HIF3A: variants seen among roughly 807,000 people sequenced by gnomAD.
HIF3A encodes hypoxia-inducible factor 3-alpha.
A neutral mutation model predicts 67.2 loss-of-function variants in HIF3A; 41 were observed. The ratio of observed to expected loss-of-function variants is 0.61; its 90% CI spans 0.48 to 0.79. HIF3A has a LOEUF of 0.79. HIF3A is among the 30% of genes least tolerant of loss of function. The pLI, the probability that HIF3A is intolerant of heterozygous loss-of-function variation, is 0.00. For missense variants in HIF3A, 855 were observed against 898.0 expected (o/e 0.95, Z 0.61); for synonymous variants, 356 against 374.8 (o/e 0.95, Z 0.58).
chr19:46,309,570 G>C (rs1969247592), intron 6 of HIF3A, among the ~76,000 whole-genome samples: 1 of 151,760 alleles, frequency 6.6e-6, no homozygotes, highest in Admixed American at 6.6e-5. Context: ...CATTTGCCCA[G>C]ACTGCTCTCA....
intron 1 of HIF3A, among the ~76,000 whole-genome samples, chr19:46,299,092 CAG>C (rs1292479274): frequency 6.6e-6 from 1 of 152,260 alleles, no homozygotes; most frequent in Non-Finnish European, 1.5e-5. Context: ...CTGAGCCCGC[CAG>C]GCCCTGGCCC....
At chr19:46,313,159 G>A (rs778591851) in intron 8 of HIF3A, 7 of 554,034 alleles carry the variant, frequency 1.3e-5, no homozygotes, top group Non-Finnish European at 1.4e-5. Flanking sequence ...GCTGAGGCAC[G>A]AGAATCATTA....
chr19:46,312,380 C>T (rs1206173087), intron 7 of HIF3A, 113 bp downstream of exon 7: 1 of 1,609,156 alleles, frequency 6.2e-7, no homozygotes, highest in South Asian at 1.1e-5. Context: ...ACCTCAACAC[C>T]AGCTCCCTGC....
At chr19:46,311,848 G>A (rs1255789839) in intron 6 of HIF3A, among the ~76,000 whole-genome samples, 4 of 152,106 alleles carry the variant, frequency 2.6e-5, no homozygotes, top group South Asian at 2.1e-4. Context: ...GTGACAGAGC[G>A]AGAGCCTGCC....
chr19:46,325,765 C>T, intron 11 of HIF3A, 126 bp downstream of exon 11: 1 of 645,844 alleles, frequency 1.5e-6, no homozygotes, highest in Admixed American at 2.4e-5. Flanking sequence ...CCATTGTATT[C>T]ATTAGGTGGA....
chr19:46,304,644 A>T (rs763035358), intron 2 of HIF3A, among the ~76,000 whole-genome samples: 2 of 151,916 alleles, frequency 1.3e-5, no homozygotes, highest in Non-Finnish European at 2.9e-5. Flanking sequence ...GTGCACACAC[A>T]CACATACACT....
intron 13 of HIF3A, among the ~76,000 whole-genome samples, chr19:46,334,298 G>A (rs188967556): frequency 1.3e-5 from 2 of 149,476 alleles, no homozygotes; most frequent in Non-Finnish European, 3.0e-5. Context: ...CACCATGTTG[G>A]CCAGGCTGGT....
chr19:46,312,031 T>C, intron 6 of HIF3A, 130 bp from the exon 7 acceptor site: 1 of 795,192 alleles, frequency 1.3e-6, no homozygotes, highest in Non-Finnish European at 2.3e-6. Flanking sequence ...TTACTCCTTT[T>C]CTCTCGGTTA....
Position 46,309,361 on chromosome 19 carries a change from T to C in HIF3A, c.770+2T>C. 6.3e-7 allele frequency: 1 copy of C among 1,596,870 alleles called. No individual in the cohort carries two copies. Among genetic ancestry groups the C allele is most frequent in the Non-Finnish European group, 8.5e-7 (1 of 1,171,426 alleles). On this transcript the variant is annotated splice_donor_variant, in intron 6 of 14. Coordinates refer to ENST00000377670, the MANE Select transcript of HIF3A (RefSeq NM_152795.4). LOFTEE classifies it high-confidence loss of function. ...GAAGTTCACCTACTGTGACGACAGG[T>C]GGGCAGGGGCCCCCTCTTCCGTCTG...
rs768103090 is a variant in HIF3A, at chr19:46,308,304, G to A, written c.447G>A (p.Gln149=). 13 of 1,604,826 alleles carry A rather than the reference G, an allele frequency of 8.1e-6. No homozygotes were observed. Among genetic ancestry groups the A allele is most frequent in the Non-Finnish European group, 1.1e-5 (13 of 1,173,594 alleles). ...TTCAGGACGCCCTGACCCCCCAGCA[G>A]AGTGAGTTCCCTGGAGGCCTCTGTC... ...EELQDALTPQ[Q]TLSRRKVEAP... Residue 149 remains glutamine, a splice_region_variant and synonymous_variant, in exon 4 of 15, where the codon CAG becomes CAA. Transcript: ENST00000377670.
At chr19:46,313,399 G>C (rs2147183541) in intron 8 of HIF3A, 1 of 741,218 alleles carries the variant, frequency 1.3e-6, no homozygotes, top group Non-Finnish European at 1.6e-6. Flanking sequence ...AGGGGAGGAG[G>C]ATTGCTAGAG....
rs751859823 is a variant in HIF3A at position 46,304,062 on chromosome 19, T to C, written c.191T>C (p.Leu64Pro). The stretch of plus-strand genomic sequence containing the variant: ...ATCATGCGCCTCACCATCAGCTACC[T>C]GCGCATGCACCGCCTCTGCGCCGCA... ...ASIMRLTISY[L>P]RMHRLCAAGE... The change falls in exon 2 of 15, where the codon CTG becomes CCG. Residue 64 changes from leucine (L) to proline (P), a missense_variant. Leu to Pro is a moderately conservative substitution (Grantham distance 98). Transcript: ENST00000377670. 5.1e-6 allele frequency: 8 copies of C among 1,578,568 alleles called. No individual in the cohort carries two copies. Among genetic ancestry groups the C allele is most frequent in the African/African-American group, 4.0e-5 (3 of 74,192 alleles).
chr19:46,323,100 G>A (rs1027331134), intron 10 of HIF3A, among the ~76,000 whole-genome samples: 5 of 151,052 alleles, frequency 3.3e-5, no homozygotes. Flanking sequence ...GCCCAGGCTG[G>A]AGTGCAATGG....
intron 8 of HIF3A, chr19:46,313,286 A>G: frequency 2.0e-6 from 2 of 978,230 alleles, no homozygotes; most frequent in Non-Finnish European, 2.4e-6. Context: ...AAAGGACTCT[A>G]TATTCAAGTT....
At position 46,309,201 on chromosome 19, in the gene HIF3A, T is replaced by C. The variant is rs1969200296; in HGVS notation, c.612T>C (p.Thr204=). Residue 204 remains threonine, a synonymous_variant, in exon 6 of 15, where the codon ACT becomes ACC. Transcript: ENST00000377670. ...HMRAYKPPAQ[T]SPAGSPDSEP... is the part of the protein sequence containing the mutation. ...GGGCCTACAAGCCACCTGCGCAGAC[T>C]TCTCCAGCTGGGAGCCCTGACTCAG... 3 of 1,614,008 alleles carry C rather than the reference T, an allele frequency of 1.9e-6. No homozygotes were observed. The highest frequency in any genetic ancestry group is 2.5e-6 in the Non-Finnish European group (3 of 1,180,002).
At chr19:46,303,517 G>A (rs1968513668) in intron 1 of HIF3A, 2 of 1,099,504 alleles carry the variant, frequency 1.8e-6, no homozygotes, top group South Asian at 1.6e-5. Context: ...CCCTCCTCTG[G>A]CCCCTGGCCA....
chr19:46,312,723 G>C, intron 8 of HIF3A, 70 bp downstream of exon 8: 1 of 1,506,998 alleles, frequency 6.6e-7, no homozygotes, highest in Non-Finnish European at 8.9e-7. Context: ...GTGTGTGTGT[G>C]TGTGTGTGTG....
chr19:46,309,208 G>C lies in HIF3A; in HGVS notation c.619G>C (p.Ala207Pro). 6.2e-7 allele frequency: 1 copy of C among 1,614,134 alleles called. No individual in the cohort carries two copies. The highest frequency in any genetic ancestry group is 8.5e-7 in the Non-Finnish European group (1 of 1,180,002). ...CAAGCCACCTGCGCAGACTTCTCCA[G>C]CTGGGAGCCCTGACTCAGAGCCCCC... Reference protein sequence around the residue: ...AYKPPAQTSPAGSPDSEPPLQ... With the variant: ...AYKPPAQTSPPGSPDSEPPLQ... The change falls in exon 6 of 15, where the codon GCT becomes CCT. Residue 207 changes from alanine to proline, a missense_variant. Ala to Pro is a conservative substitution (Grantham distance 27). Transcript: ENST00000377670.
At chr19:46,305,130 G>T (rs753838533) in intron 2 of HIF3A, 115 bp from the exon 3 acceptor site, 3 of 1,432,342 alleles carry the variant, frequency 2.1e-6, no homozygotes, top group Non-Finnish European at 2.9e-6. Context: ...TTCCTTGGGG[G>T]TGCATGTAAG....
Sources: gnomAD v4.1 joint callset for allele counts (sites outside exome capture counted in the v4.1 genomes callset) on GRCh38, gnomAD v4.1.1 for gene constraint, MANE v1.5 for transcripts, NCBI Gene and HGNC (gene_info 2026-07-23, HGNC 2026-07-21) for gene names.